Variants in TTN observed in about 807,000 individuals in gnomAD.
The protein encoded by TTN is connectin.
TTN carries 1,525 observed loss-of-function variants against 3,223.0 expected under a neutral mutation model. The ratio of observed to expected loss-of-function variants is 0.47; its 90% CI spans 0.45 to 0.49. The LOEUF (loss-of-function observed/expected upper bound fraction) is 0.49, where lower values mean the gene tolerates loss of function less well. Ranked by LOEUF, TTN falls within the 20% of genes least tolerant of loss-of-function variation. The pLI is 0.00. For synonymous variants in TTN, 14,094 were observed against 15,161.0 expected, an observed-to-expected ratio of 0.93 and a Z score of 5.17; for missense variants, 40,786 against 43,424.0, an observed-to-expected ratio of 0.94 and a Z score of 5.40.
chr2:178,550,813 T>C, intron 336 of TTN, 154 bp downstream of exon 336: 1 of 681,874 alleles, frequency 1.5e-6, no homozygotes, highest in Non-Finnish European at 2.4e-6. Flanking sequence ...TATTTTTTTC[T>C]TCTTTTCATC....
intron 201 of TTN, 22 bp downstream of exon 201, chr2:178,652,631 G>A (rs369786685): frequency 1.7e-5 from 28 of 1,612,798 alleles, no homozygotes; most frequent in Non-Finnish European, 2.3e-5. Flanking sequence ...ATCTTCTGAC[G>A]CTTAAACTCA....
chr2:178,781,331 C>T, intron 20 of TTN, 68 bp from the exon 21 acceptor site: 5 of 1,571,808 alleles, frequency 3.2e-6, no homozygotes, highest in South Asian at 2.2e-5. Flanking sequence ...AATAATTGGA[C>T]TTATCTGTGA....
In TTN at chr2:178,730,528, C is replaced by T; in HGVS notation, c.18005G>A (p.Cys6002Tyr). The change falls in exon 61 of 363, where the codon TGC becomes TAC. Residue 6002 changes from cysteine to tyrosine, a missense_variant. Cys to Tyr is a radical substitution (Grantham distance 194, BLOSUM62 -2). Coordinates refer to ENST00000589042, the MANE Select transcript of TTN (RefSeq NM_001267550.2). Reference sequence around the variant, plus strand: ...ACCTTTGACTGTCAGATGCCCACTGCATTGGTTGTGCCCTGCCTTATTTGT... The same window carrying T: ...ACCTTTGACTGTCAGATGCCCACTGTATTGGTTGTGCCCTGCCTTATTTGT... ...SATNKAGHNQCSGHLTVKEPP... is the reference protein window; with the variant it reads ...SATNKAGHNQYSGHLTVKEPP... 6.2e-7 allele frequency: 1 copy of T among 1,611,648 alleles called. No homozygotes were observed. The highest frequency in any genetic ancestry group is 2.2e-5 in the East Asian group (1 of 44,796).
At chr2:178,753,351 C>T in intron 46 of TTN, 171 bp from the exon 47 acceptor site, 1 of 527,226 alleles carries the variant, frequency 1.9e-6, no homozygotes, top group Non-Finnish European at 3.4e-6. Flanking sequence ...TGATAAAACA[C>T]ATGACAATGT....
chr2:178,618,726 TA>T lies in TTN; in HGVS notation c.46823del (p.Leu15608TyrfsTer18), dbSNP rs2154209855. The T allele has an allele frequency of 1.9e-6, 3 of 1,612,002 alleles. No individual in the cohort carries two copies. Among genetic ancestry groups the T allele is most frequent in the Non-Finnish European group, 2.5e-6 (3 of 1,178,858 alleles). ...CCGTAGTATCAATGGTTTTTGTAGA[TA>T]AAGGTTCATTTTCTTTAAACCATTC... ...EAEWFKENEP[L>X]STKTIDTTAE... On this transcript the variant is annotated frameshift_variant, in exon 251 of 363. Coordinates refer to ENST00000589042, the MANE Select transcript of TTN (RefSeq NM_001267550.2). LOFTEE classifies it high-confidence loss of function.
rs1469148662 is a variant in TTN, at chr2:178,564,539, C to T, written c.81593G>A (p.Gly27198Asp). ...AATATAACCTGTTATTTTGCTACCA[C>T]CATCATAGGCAGGTTTCTTCCATTT... ...TLKWKKPAYD[G>D]GSKITGYIVE... is the part of the protein sequence containing the mutation. Residue 27198 changes from glycine (G) to aspartate (D), a missense_variant, in exon 326 of 363, where the codon GGT becomes GAT. Gly to Asp is a moderately conservative substitution (Grantham distance 94). Transcript: ENST00000589042. The T allele has an allele frequency of 6.2e-7, 1 of 1,613,178 alleles. No individual in the cohort carries two copies. Among genetic ancestry groups the T allele is most frequent in the Middle Eastern group, 1.7e-4 (1 of 6,058 alleles).
intron 47 of TTN, 113 bp from the exon 48 acceptor site, chr2:178,742,034 G>A: frequency 4.9e-6 from 4 of 815,766 alleles, no homozygotes; most frequent in Non-Finnish European, 5.0e-6. Flanking sequence ...TTCCTGGAAT[G>A]ATTAGATTAT....
intron 142 of TTN, 70 bp from the exon 143 acceptor site, chr2:178,678,900 T>TA (rs775660995): frequency 4.7e-5 from 60 of 1,266,184 alleles, no homozygotes; most frequent in Non-Finnish European, 6.3e-5. Flanking sequence ...GCTGGCAATG[T>TA]AAGGCCTTAA....
In TTN at chr2:178,533,482, T is replaced by G. The variant is rs779618819; in HGVS notation, c.103133A>C (p.Gln34378Pro). 2.5e-6 allele frequency: 4 copies of G among 1,613,438 alleles called. No homozygotes were observed. The highest frequency in any genetic ancestry group is 3.4e-6 in the Non-Finnish European group (4 of 1,179,416). ...CACTCTGATCTCAAAGCAGACACTT[T>G]GGCCTTCTTGGCATTCTGCATTTGC... ...LLANAECQEG[Q>P]SVCFEIRVSG... Residue 34378 changes from glutamine to proline, a missense_variant, in exon 358 of 363, where the codon CAA (glutamine) becomes CCA (proline). By Grantham distance (76) the Gln-to-Pro change is moderately conservative. Transcript: ENST00000589042.
In TTN at chr2:178,561,153, C is replaced by T; in HGVS notation, c.84979G>A (p.Val28327Ile). ...GAGTCAGCAGCATTCCTTGCAAAAA[C>T]CCGGAATTCATAACGCTGATCTTCA... ...LTEDQRYEFR[V>I]FARNAADSVS... is the part of the protein sequence containing the mutation. Residue 28327 changes from valine to isoleucine, a missense_variant, in exon 326 of 363, where the codon GTT becomes ATT. By Grantham distance (29) the Val-to-Ile change is conservative. Transcript: ENST00000589042. 6.2e-7 allele frequency: 1 copy of T among 1,613,714 alleles called. No homozygotes were observed. Among genetic ancestry groups the T allele is most frequent in the Non-Finnish European group, 8.5e-7 (1 of 1,179,810 alleles).
At position 178,549,808 on chromosome 2, in the gene TTN, A is replaced by G; in HGVS notation, c.91914T>C (p.Thr30638=). The G allele has an allele frequency of 6.2e-7, 1 of 1,607,108 alleles. No homozygotes were observed. The highest frequency in any genetic ancestry group is 8.5e-7 in the Non-Finnish European group (1 of 1,174,690). Residue 30638 remains threonine (T), a synonymous_variant, in exon 338 of 363, where the codon ACT becomes ACC. Coordinates refer to ENST00000589042, the MANE Select transcript of TTN (RefSeq NM_001267550.2). ...RFTNITGEKM[T]LWWDAPLNDG... ...CATTGAGTGGGGCATCCCACCACAG[A>G]GTCATCTTCTCCCCAGTAATATTGG... is the stretch of plus-strand genomic sequence containing the variant.
In TTN at chr2:178,591,118, G is replaced by C; in HGVS notation, c.60607C>G (p.Pro20203Ala). 1 of 1,613,088 alleles carries C rather than the reference G, an allele frequency of 6.2e-7. No individual in the cohort carries two copies. The highest frequency in any genetic ancestry group is 8.5e-7 in the Non-Finnish European group (1 of 1,179,464). Residue 20203 changes from proline (P) to alanine (A), a missense_variant, in exon 304 of 363, where the codon CCT (proline) becomes GCT (alanine). By Grantham distance (27) the Pro-to-Ala change is conservative. Coordinates refer to ENST00000589042, the MANE Select transcript of TTN (RefSeq NM_001267550.2). ...WQPPKDDGGS[P>A]VINYIVEKQD... is the part of the protein sequence containing the mutation. The stretch of plus-strand genomic sequence containing the variant: ...TTCTCAACAATATAATTTATCACAG[G>C]GCTTCCTCCATCATCCTTAGGTGGC...
At position 178,616,549 on chromosome 2, in the gene TTN, T is replaced by C; in HGVS notation, c.48242A>G (p.Asp16081Gly). 1 of 1,612,480 alleles carries C rather than the reference T, an allele frequency of 6.2e-7. No homozygotes were observed. Among genetic ancestry groups the C allele is most frequent in the Non-Finnish European group, 8.5e-7 (1 of 1,179,004 alleles). Residue 16081 changes from aspartate to glycine, a missense_variant, in exon 257 of 363, where the codon GAT becomes GGT. Transcript: ENST00000589042. ...TCCAGTTAACGGACTTCCTCCATCA[T>C]CATCAGGTGGTTCCCAAGTCAAATG... ...SVHLTWEPPD[D>G]DGGSPLTGYV...
In TTN at chr2:178,616,926, C is replaced by T; in HGVS notation, c.47963G>A (p.Gly15988Asp). Residue 15988 changes from glycine (G) to aspartate (D), a missense_variant, in exon 256 of 363, where the codon GGC (glycine) becomes GAC (aspartate). By Grantham distance (94) the Gly-to-Asp change is moderately conservative. Transcript: ENST00000589042. Reference protein sequence around the residue: ...NPITILVPSTGYPRPTATWCF... With the variant: ...NPITILVPSTDYPRPTATWCF... ...CCAGGTTGCAGTTGGCCTTGGATAG[C>T]CTGTACTTGGAACCAGGATCGTGAT... 2 of 1,612,626 alleles carry T rather than the reference C, an allele frequency of 1.2e-6. No homozygotes were observed. Among genetic ancestry groups the T allele is most frequent in the African/African-American group, 1.3e-5 (1 of 74,926 alleles).
chr2:178,562,963 C>CTCTA lies in TTN; in HGVS notation c.83165_83168dup (p.Glu27723AspfsTer13). 1 of 1,613,724 alleles carries CTCTA rather than the reference C, an allele frequency of 6.2e-7. No homozygotes were observed. On this transcript the variant is annotated frameshift_variant, in exon 326 of 363. Coordinates refer to ENST00000589042, the MANE Select transcript of TTN (RefSeq NM_001267550.2). LOFTEE classifies it high-confidence loss of function. ...CCAACATTGTAAATGAGCTGGTCAC[C>CTCTA]TCTATCTGAGCCCTGTCAGTGAGAA...
In TTN at chr2:178,562,889, A is replaced by C; in HGVS notation, c.83243T>G (p.Leu27748Ter). 5 of 1,613,384 alleles carry C rather than the reference A, an allele frequency of 3.1e-6. No homozygotes were observed. Among genetic ancestry groups the C allele is most frequent in the Non-Finnish European group, 4.2e-6 (5 of 1,179,658 alleles). The change falls in exon 326 of 363, where the codon TTA becomes TGA. Residue 27748 changes from leucine to a stop codon, truncating the protein, a stop_gained. Coordinates refer to ENST00000589042, the MANE Select transcript of TTN (RefSeq NM_001267550.2). LOFTEE classifies it high-confidence loss of function. The part of the protein sequence containing the change: ...RFDSGRYNLT[L>*]ENNSGSKTAF... Reference sequence around the variant, plus strand: ...TGTTTTGGAGCCACTATTATTTTCTAATGTCAGATTATACCGACCACTGTC... The same window carrying C: ...TGTTTTGGAGCCACTATTATTTTCTCATGTCAGATTATACCGACCACTGTC...
Position 178,722,250 on chromosome 2 carries a change from T to G in TTN, c.22528+9A>C. The G allele has an allele frequency of 6.4e-7, 1 of 1,557,604 alleles. No homozygotes were observed. Reference sequence around the variant, plus strand: ...GTTTGCAAAGAAAAAGAGTGACGTGTGAACAAACCTCTTGCTGTGAGTCTA... The same window carrying G: ...GTTTGCAAAGAAAAAGAGTGACGTGGGAACAAACCTCTTGCTGTGAGTCTA... On this transcript the variant is annotated intron_variant, in intron 77 of 362. Coordinates refer to ENST00000589042, the MANE Select transcript of TTN (RefSeq NM_001267550.2).
rs1199842241 is a variant in TTN at position 178,611,683 on chromosome 2, A to G, written c.50552-6T>C. 1 of 1,612,414 alleles carries G rather than the reference A, an allele frequency of 6.2e-7. No homozygotes were observed. Among genetic ancestry groups the G allele is most frequent in the Non-Finnish European group, 8.5e-7 (1 of 1,179,234 alleles). ...AAGGGGTGGTGAGGGAGGACCTGAG[A>G]AAAGAGTGAAATATTCATATCCACA... On this transcript the variant is annotated splice_polypyrimidine_tract_variant and splice_region_variant and intron_variant, in intron 268 of 362. Transcript: ENST00000589042.
chr2:178,681,290 C>T lies in TTN; in HGVS notation c.33247+86G>A, dbSNP rs72650038. The T allele has an allele frequency of 5.6e-3, 8,130 of 1,461,546 alleles. 28 individuals are homozygous for T. Among genetic ancestry groups the T allele is most frequent in the Non-Finnish European group, 7.1e-3 (7,512 of 1,062,912 alleles). The allele number at this position is 1,461,546 out of a possible 1,614,324, so 90.5% of individuals were successfully genotyped here. On this transcript the variant is annotated intron_variant, in intron 137 of 362. Transcript: ENST00000589042. ...ACAAGAACATCCTACTCAGCAAAAA[C>T]ACAGACCATCAGACGGGCTAGGAAG...
Sources: gnomAD v4.1 joint callset for allele counts on GRCh38, gnomAD v4.1.1 for gene constraint, MANE v1.5 for transcripts, NCBI Gene and HGNC (gene_info 2026-07-23, HGNC 2026-07-21) for gene names.